OLA1: variants seen among roughly 807,000 people sequenced by gnomAD.
OLA1 encodes obg-like ATPase 1.
A neutral mutation model predicts 48.4 loss-of-function variants in OLA1; 14 were observed. The observed-to-expected ratio is 0.29, with a 90% CI of 0.19 to 0.45. The LOEUF (loss-of-function observed/expected upper bound fraction) is 0.45, where lower values mean the gene tolerates loss of function less well. Among genes scored for constraint, OLA1 ranks in the 20% least tolerant of loss-of-function variants. OLA1 has a pLI of 1.00. For missense variants in OLA1, 325 were observed against 467.1 expected, an observed-to-expected ratio of 0.70 and a Z score of 2.80; for synonymous variants, 127 against 150.4, an observed-to-expected ratio of 0.84 and a Z score of 1.14.
Position 174,145,475 on chromosome 2 carries a change from A to G in OLA1, c.374-3475T>C, listed in dbSNP as rs1419987195. Among the ~76,000 whole-genome samples the G allele has an allele frequency of 3.3e-5, 5 of 152,198 alleles. No individual in the cohort carries two copies. The South Asian group carries it at 8.3e-4, about 25-fold the overall frequency. ...AAATTCAGAGGACAGACTACACTAC[A>G]TTACACTGCAACGCTCGATGAGAAA... is the stretch of plus-strand genomic sequence containing the variant. On this transcript the variant is annotated intron_variant, in intron 4 of 10. Transcript: ENST00000284719.
At chr2:174,137,088 C>T (rs995820370) in intron 5 of OLA1, among the ~76,000 whole-genome samples, 1 of 152,168 alleles carries the variant, frequency 6.6e-6, no homozygotes, top group Non-Finnish European at 1.5e-5. Flanking sequence ...AAATGTATTT[C>T]TTAAATAATA....
chr2:174,202,838 G>A (rs1688021148), intron 4 of OLA1, among the ~76,000 whole-genome samples: 1 of 152,108 alleles, frequency 6.6e-6, no homozygotes, highest in Non-Finnish European at 1.5e-5. Flanking sequence ...TACAAAATAT[G>A]TGTCAATCAA....
At chr2:174,222,947 A>T in intron 4 of OLA1, 86 bp downstream of exon 4, 2 of 1,345,784 alleles carry the variant, frequency 1.5e-6, no homozygotes, top group Non-Finnish European at 2.0e-6. Context: ...ATCTTCCATT[A>T]GTCATTTCTA....
At chr2:174,095,035 C>A (rs1005911773) in intron 7 of OLA1, among the ~76,000 whole-genome samples, 1 of 152,188 alleles carries the variant, frequency 6.6e-6, no homozygotes, top group Non-Finnish European at 1.5e-5. Context: ...ACTACATTTT[C>A]TTTATCCATT....
Position 174,148,279 on chromosome 2 carries a change from T to C in OLA1, c.374-6279A>G, listed in dbSNP as rs180783249. ...GGCATGCGCCTGTGGTCCCAGCTAC[T>C]TGGGGGTGCTGAGGCAGGAGCACTG... On this transcript the variant is annotated intron_variant, in intron 4 of 10. Coordinates refer to ENST00000284719, the MANE Select transcript of OLA1 (RefSeq NM_013341.5). Among the ~76,000 whole-genome samples, 279 of 152,138 alleles carry C rather than the reference T, an allele frequency of 1.8e-3. 1 individual carries two copies. Among genetic ancestry groups the C allele is most frequent in the African/African-American group, 6.4e-3 (267 of 41,522 alleles).
At chr2:174,101,757 C>T (rs1685402589) in intron 7 of OLA1, among the ~76,000 whole-genome samples, 1 of 152,112 alleles carries the variant, frequency 6.6e-6, no homozygotes, top group South Asian at 2.1e-4. Context: ...CAGTTTTAGT[C>T]TTGCTTGACA....
intron 4 of OLA1, among the ~76,000 whole-genome samples, chr2:174,154,539 G>C (rs779948998): frequency 2.1e-4 from 3 of 14,304 alleles, no homozygotes; most frequent in African/African-American, 2.4e-4. Context: ...AAAATGTACA[G>C]TTTAGTTTCC....
intron 2 of OLA1, among the ~76,000 whole-genome samples, chr2:174,243,973 G>A (rs1689070137): frequency 6.6e-6 from 1 of 151,996 alleles, no homozygotes; most frequent in African/African-American, 2.4e-5. Context: ...ACACAAGTCC[G>A]GTCGGATTTC....
intron 7 of OLA1, among the ~76,000 whole-genome samples, chr2:174,118,366 G>T (rs996957700): frequency 3.3e-5 from 5 of 152,138 alleles, no homozygotes; most frequent in African/African-American, 7.2e-5. Context: ...TTTTTAAGGG[G>T]ATTGTTTTTG....
At chr2:174,138,597 T>C (rs1686366101) in intron 5 of OLA1, among the ~76,000 whole-genome samples, 1 of 151,924 alleles carries the variant, frequency 6.6e-6, no homozygotes, top group Non-Finnish European at 1.5e-5. Flanking sequence ...ATTGAGTTTC[T>C]CAACACAGCG....
At chr2:174,222,796 G>A (rs1313640841) in intron 4 of OLA1, among the ~76,000 whole-genome samples, 1 of 152,114 alleles carries the variant, frequency 6.6e-6, no homozygotes. Flanking sequence ...CCAGAACAGG[G>A]AATAAAGTTC....
chr2:174,126,389 C>T (rs16862417), intron 5 of OLA1, among the ~76,000 whole-genome samples: 19,612 of 152,066 alleles, frequency 0.13, 1,464 homozygotes, highest in East Asian at 0.21. Context: ...TTCCATATTT[C>T]TTTACTATCA....
chr2:174,173,657 A>C (rs986801780), intron 4 of OLA1, among the ~76,000 whole-genome samples: 5 of 151,110 alleles, frequency 3.3e-5, no homozygotes, highest in African/African-American at 1.2e-4. Flanking sequence ...AATAAAAGAT[A>C]TGAGAACAAA....
intron 7 of OLA1, among the ~76,000 whole-genome samples, chr2:174,092,271 T>C (rs556375807): frequency 6.6e-6 from 1 of 152,288 alleles, no homozygotes; most frequent in South Asian, 2.1e-4. Flanking sequence ...GCACCACCTA[T>C]AATAGTGCTT....
chr2:174,103,914 G>A (rs906444684), intron 7 of OLA1, among the ~76,000 whole-genome samples: 40 of 152,122 alleles, frequency 2.6e-4, no homozygotes, highest in African/African-American at 9.4e-4. Flanking sequence ...CACACAAGGT[G>A]TTTCTGTGGA....
chr2:174,114,341 C>CAAAAAAAAAAAAAAAAAAAAA (rs76471043), intron 7 of OLA1, among the ~76,000 whole-genome samples: 1 of 60,648 alleles, frequency 1.6e-5, no homozygotes, highest in African/African-American at 8.9e-5. Context: ...GACTCCGCCT[C>CAAAAAAAAAAAAAAAAAAAAA]AAAAAAAAAA....
chr2:174,160,335 T>C (rs1686982243), intron 4 of OLA1, among the ~76,000 whole-genome samples: 1 of 152,156 alleles, frequency 6.6e-6, no homozygotes, highest in Non-Finnish European at 1.5e-5. Context: ...ATTCAACGTA[T>C]AAACATTTCA....
At chr2:174,153,747 T>C (rs557183811) in intron 4 of OLA1, among the ~76,000 whole-genome samples, 6 of 152,336 alleles carry the variant, frequency 3.9e-5, no homozygotes, top group Admixed American at 1.3e-4. Context: ...TTCAAAGAAG[T>C]AGGCAAAAAA....
chr2:174,222,928 A>G, intron 4 of OLA1, 105 bp downstream of exon 4: 1 of 1,220,460 alleles, frequency 8.2e-7, no homozygotes, highest in East Asian at 2.5e-5. Context: ...CATCTGGTAA[A>G]GCAAAGCAAT....
Sources: gnomAD v4.1 joint callset for allele counts (sites outside exome capture counted in the v4.1 genomes callset) on GRCh38, gnomAD v4.1.1 for gene constraint, MANE v1.5 for transcripts, NCBI Gene and HGNC (gene_info 2026-07-23, HGNC 2026-07-21) for gene names.